MYOCOS: variants seen among roughly 807,000 people sequenced by gnomAD.
The protein encoded by MYOCOS is myocilin opposite strand protein.
chr1:171,606,945 T>A (rs1652255473), intron 1 of MYOCOS, among the ~76,000 whole-genome samples: 1 of 151,698 alleles, frequency 6.6e-6, no homozygotes, highest in Admixed American at 6.6e-5. Flanking sequence ...TACAAAAAAA[T>A]AAGCTGGGTG....
chr1:171,624,065 G>A (rs923442315), intron 2 of MYOCOS, 87 bp downstream of exon 2: 7 of 398,216 alleles, frequency 1.8e-5, no homozygotes, highest in African/African-American at 1.2e-4. Context: ...ACTGTAGCTG[G>A]CACTGGTTTA....
chr1:171,604,261 G>A (rs528682076), intron 1 of MYOCOS: 12 of 152,296 alleles, frequency 7.9e-5, no homozygotes, highest in Admixed American at 2.0e-4. Context: ...CGGCCGAAGC[G>A]TGAGGAAACT....
chr1:171,626,405 T>G (rs1652703738), intron 2 of MYOCOS, 49 bp from the exon 3 acceptor site: 1 of 398,254 alleles, frequency 2.5e-6, no homozygotes, highest in Non-Finnish European at 4.4e-6. Flanking sequence ...TCTGTTTATT[T>G]AAAACCCTAT....
intron 1 of MYOCOS, among the ~76,000 whole-genome samples, chr1:171,612,984 C>G (rs1360764998): frequency 6.6e-6 from 1 of 152,174 alleles, no homozygotes; most frequent in Non-Finnish European, 1.5e-5. Context: ...AGAGCTGGGC[C>G]AGAACTCACT....
upstream of MYOCOS, among the ~76,000 whole-genome samples, chr1:171,618,823 G>T (rs867732349): frequency 1.3e-5 from 2 of 152,214 alleles, no homozygotes; most frequent in East Asian, 1.9e-4. Context: ...TGATCTGCCC[G>T]CCTTGGCCTC....
At chr1:171,617,290 A>G (rs1020499093), upstream of MYOCOS, among the ~76,000 whole-genome samples, 8 of 152,292 alleles carry the variant, frequency 5.3e-5, no homozygotes, top group Admixed American at 2.6e-4. Context: ...CCTGAGCATG[A>G]TAAGTGGTGT....
chr1:171,606,620 T>G (rs1396939697), intron 1 of MYOCOS, among the ~76,000 whole-genome samples: 1 of 152,214 alleles, frequency 6.6e-6, no homozygotes, highest in Non-Finnish European at 1.5e-5. Flanking sequence ...ACGAAACCCC[T>G]GTCACTTATC....
intron 1 of MYOCOS, among the ~76,000 whole-genome samples, chr1:171,605,595 A>G (rs1652229993): frequency 6.6e-6 from 1 of 152,108 alleles, no homozygotes; most frequent in African/African-American, 2.4e-5. Flanking sequence ...GCGTAATTGC[A>G]CCATTAAGCC....
At chr1:171,624,327 A>G (rs976106312) in intron 2 of MYOCOS, among the ~76,000 whole-genome samples, 4 of 152,064 alleles carry the variant, frequency 2.6e-5, no homozygotes, top group Admixed American at 2.6e-4. Flanking sequence ...CAGTGGTGCA[A>G]TCACAGCTCA....
At chr1:171,621,381 T>TG (rs895460934), upstream of MYOCOS, among the ~76,000 whole-genome samples, 3 of 146,902 alleles carry the variant, frequency 2.0e-5, no homozygotes, top group South Asian at 2.2e-4. Context: ...TGGGTTTTTT[T>TG]TTTTTTTTTT....
At chr1:171,600,890 C>CT (rs971109691) in exon 1 of MYOCOS, 41 of 152,354 alleles carry the variant, frequency 2.7e-4, no homozygotes, top group African/African-American at 9.6e-4. Flanking sequence ...AACTTGGTGT[C>CT]TGAGAGGTTT....
intron 1 of MYOCOS, among the ~76,000 whole-genome samples, chr1:171,613,651 G>A (rs1652393358): frequency 1.3e-5 from 2 of 152,038 alleles, no homozygotes; most frequent in African/African-American, 4.8e-5. Flanking sequence ...GGGCTCAAGT[G>A]ATCCTCCCAC....
chr1:171,606,682 G>C (rs1290604717), intron 1 of MYOCOS, among the ~76,000 whole-genome samples: 1 of 152,218 alleles, frequency 6.6e-6, no homozygotes, highest in South Asian at 2.1e-4. Flanking sequence ...CTTCAGAGTT[G>C]TAAGCCCTTA....
chr1:171,624,892 C>T (rs1391745785), intron 2 of MYOCOS, among the ~76,000 whole-genome samples: 1 of 152,084 alleles, frequency 6.6e-6, no homozygotes, highest in Non-Finnish European at 1.5e-5. Flanking sequence ...CCCAAGATGA[C>T]ACCTCTAGCT....
upstream of MYOCOS, among the ~76,000 whole-genome samples, chr1:171,617,354 A>C (rs1652468650): frequency 6.6e-6 from 1 of 152,038 alleles, no homozygotes; most frequent in Non-Finnish European, 1.5e-5. Context: ...ATTAACAGGG[A>C]AATGAGTGTA....
rs898648006 is a variant in MYOCOS at position 171,603,340 on chromosome 1, A to C, written c.-252+2260A>C. ...CACTCTGCCGCATAACTAGAGTGGCACTTGTGCTTTAGTCCACTTGGCTAT... is the reference window on the plus strand; with the variant it reads ...CACTCTGCCGCATAACTAGAGTGGCCCTTGTGCTTTAGTCCACTTGGCTAT... On this transcript the variant is annotated intron_variant, in intron 1 of 3. Coordinates refer to the MYOCOS transcript ENST00000636697. 2.0e-5 allele frequency among the ~76,000 whole-genome samples: 3 copies of C among 152,332 alleles called. No homozygotes were observed. In the East Asian group the frequency reaches 5.8e-4, roughly 29 times the overall value.
intron 1 of MYOCOS, among the ~76,000 whole-genome samples, chr1:171,602,113 A>C (rs1214823089): frequency 6.6e-6 from 1 of 152,148 alleles, no homozygotes. Context: ...AATTTATGTA[A>C]AGAGTGTTAT....
chr1:171,620,088 A>T (rs1470554009), upstream of MYOCOS, among the ~76,000 whole-genome samples: 2 of 146,958 alleles, frequency 1.4e-5, no homozygotes, highest in Non-Finnish European at 3.0e-5. Flanking sequence ...TATATATATA[A>T]CCTATATATA....
At chr1:171,611,870 T>TA (rs112743953) in intron 1 of MYOCOS, among the ~76,000 whole-genome samples, 12 of 151,236 alleles carry the variant, frequency 7.9e-5, no homozygotes, top group South Asian at 6.2e-4. Flanking sequence ...TCTGGATCCC[T>TA]AAAAAAAAAT....
Sources: allele counts gnomAD v4.1 joint callset (sites outside exome capture counted in the v4.1 genomes callset), GRCh38; gene constraint gnomAD v4.1.1; transcripts MANE v1.5; gene names NCBI Gene and HGNC (gene_info 2026-07-23, HGNC 2026-07-21).